The following UBQLN4 variants were observed in gnomAD, a reference collection of about 807,000 sequenced individuals.
UBQLN4 encodes the protein ubiquilin-4.
A neutral mutation model predicts 60.4 loss-of-function variants in UBQLN4; 11 were observed. The ratio of observed to expected loss-of-function variants is 0.18; its 90% CI spans 0.11 to 0.30. UBQLN4 has a LOEUF of 0.30. Among genes scored for constraint, UBQLN4 ranks in the 10% least tolerant of loss-of-function variants. The probability of loss-of-function intolerance (pLI) is 1.00; values close to 1 mark genes in which losing one functional copy is unlikely to be tolerated. For missense variants in UBQLN4, 417 were observed against 795.5 expected (o/e 0.52, Z 5.72); for synonymous variants, 258 against 313.1 (o/e 0.82, Z 1.86).
rs58466287 is a variant in UBQLN4 at position 156,037,449 on chromosome 1, G to A, written c.1654-319C>T. Among the ~76,000 whole-genome samples the A allele has an allele frequency of 2.4e-3, 361 of 152,190 alleles. 2 individuals are homozygous for A. The highest frequency in any genetic ancestry group is 8.5e-3 in the African/African-American group (351 of 41,530). On this transcript the variant is annotated intron_variant, in intron 10 of 10. Transcript: ENST00000368309. The stretch of plus-strand genomic sequence containing the variant: ...TCTCTACTAAAAATACAAAAAATTC[G>A]CTGGGTGTGGTGGTGGGCGCCCTGT...
At chr1:156,039,939 A>G in intron 10 of UBQLN4, among the ~76,000 whole-genome samples, 1 of 35,682 alleles carries the variant, frequency 2.8e-5, no homozygotes, top group Admixed American at 3.0e-4. Flanking sequence ...TCCGTCTCAA[A>G]AAAAAAAAAA....
downstream of UBQLN4, among the ~76,000 whole-genome samples, chr1:156,034,261 T>C (rs915710812): frequency 6.6e-6 from 1 of 151,156 alleles, no homozygotes; most frequent in Non-Finnish European, 1.5e-5. Context: ...CAAACTTCAC[T>C]GGCATAAAAC....
chr1:156,034,278 G>T (rs1043953761), downstream of UBQLN4, among the ~76,000 whole-genome samples: 1 of 147,668 alleles, frequency 6.8e-6, no homozygotes, highest in Non-Finnish European at 1.5e-5. Context: ...AAACCTGACT[G>T]CAAGAGTTTT....
chr1:156,047,042 TCTAC>T (rs1465057111), intron 5 of UBQLN4, among the ~76,000 whole-genome samples: 4 of 152,114 alleles, frequency 2.6e-5, no homozygotes, highest in Admixed American at 1.3e-4. Context: ...AGGCTACAAC[TCTAC>T]CTATGTCTTA....
Position 156,036,864 on chromosome 1 carries a change from G to A in UBQLN4, c.*114C>T. ...GCCTCTAAAGTCACCCTGCTGTTTG[G>A]AAAGGATGAGGGAGAAGACGGAAGG... On this transcript the variant is annotated 3_prime_UTR_variant, in exon 11 of 11. Transcript: ENST00000368309. 1 of 1,523,336 alleles carries A rather than the reference G, an allele frequency of 6.6e-7. No homozygotes were observed. The highest frequency in any genetic ancestry group is 8.8e-7 in the Non-Finnish European group (1 of 1,138,126). 94.4% of individuals were successfully genotyped at this position (1,523,336 alleles called of 1,614,324 possible).
intron 1 of UBQLN4, 101 bp from the exon 2 acceptor site, chr1:156,051,958 C>A (rs567810593): frequency 6.8e-7 from 1 of 1,464,294 alleles, no homozygotes; most frequent in Non-Finnish European, 9.3e-7. Flanking sequence ...TTGCTCTCAT[C>A]TCTAGTCATG....
chr1:156,046,333 C>CA (rs767622665), intron 5 of UBQLN4, among the ~76,000 whole-genome samples: 97 of 117,510 alleles, frequency 8.3e-4, no homozygotes, highest in East Asian at 3.4e-3. Flanking sequence ...ACTAATAATA[C>CA]AAAAAAAAAA....
chr1:156,050,813 C>A lies in UBQLN4; in HGVS notation c.479-260G>T, dbSNP rs539435263. On this transcript the variant is annotated intron_variant, in intron 3 of 10. Coordinates refer to ENST00000368309, the MANE Select transcript of UBQLN4 (RefSeq NM_020131.5). This position sits in a 1 kb window ranked among gnomAD's most constrained non-coding sequence, Gnocchi z 4.6. Reference sequence around the variant, plus strand: ...GAATGAGTGGCCCATGTGGCTACTGCTGGATCCAACTTTTCCCCAGACTCA... The same window carrying A: ...GAATGAGTGGCCCATGTGGCTACTGATGGATCCAACTTTTCCCCAGACTCA... Among the ~76,000 whole-genome samples, 2 of 152,200 alleles carry A rather than the reference C, an allele frequency of 1.3e-5. No individual in the cohort carries two copies. The highest frequency in any genetic ancestry group is 2.9e-5 in the Non-Finnish European group (2 of 68,034).
At chr1:156,046,162 T>C (rs762193647) in intron 5 of UBQLN4, among the ~76,000 whole-genome samples, 1 of 151,904 alleles carries the variant, frequency 6.6e-6, no homozygotes, top group Admixed American at 6.6e-5. Context: ...TAATAAATTG[T>C]CATTTTTAAA....
At chr1:156,044,328 G>A (rs1683644429) in intron 5 of UBQLN4, 105 bp from the exon 6 acceptor site, 2 of 1,057,202 alleles carry the variant, frequency 1.9e-6, no homozygotes, top group South Asian at 2.9e-5. Flanking sequence ...CCCAGAAAAG[G>A]GAGAGAGATC....
chr1:156,044,942 T>C (rs1361167027), intron 5 of UBQLN4, among the ~76,000 whole-genome samples: 1 of 152,136 alleles, frequency 6.6e-6, no homozygotes, highest in Non-Finnish European at 1.5e-5. Flanking sequence ...TGGTCCCCCT[T>C]GCCCTACCAT....
In UBQLN4 at chr1:156,042,148, C is replaced by G. The variant is rs1336910941; in HGVS notation, c.1350+5G>C. ...AACCTCCACCCATCTAGGCTCCTCACTCACCTGCTGCAGGAAGACTGGGAG... is the reference window on the plus strand; with the variant it reads ...AACCTCCACCCATCTAGGCTCCTCAGTCACCTGCTGCAGGAAGACTGGGAG... On this transcript the variant is annotated splice_donor_5th_base_variant and intron_variant, in intron 8 of 10. Coordinates refer to ENST00000368309, the MANE Select transcript of UBQLN4 (RefSeq NM_020131.5). 1 of 1,604,932 alleles carries G rather than the reference C, an allele frequency of 6.2e-7. No homozygotes were observed. Among genetic ancestry groups the G allele is most frequent in the Non-Finnish European group, 8.5e-7 (1 of 1,176,752 alleles).
chr1:156,039,972 C>G (rs1269962624), intron 10 of UBQLN4, among the ~76,000 whole-genome samples: 3 of 144,314 alleles, frequency 2.1e-5, no homozygotes, highest in Admixed American at 1.4e-4. Context: ...ACTCTTATAG[C>G]TAGAAAGAGT....
chr1:156,051,668 C>G, intron 2 of UBQLN4, 38 bp downstream of exon 2: 1 of 1,610,236 alleles, frequency 6.2e-7, no homozygotes. Context: ...ATGGGGAGGC[C>G]CAATCAGAAG....
In UBQLN4 at chr1:156,042,179, G is replaced by C; in HGVS notation, c.1324C>G (p.Leu442Val). Residue 442 changes from leucine to valine, a missense_variant, in exon 8 of 11, where the codon CTG becomes GTG. Physicochemically the swap from Leu to Val is conservative, Grantham distance 32 (BLOSUM62 1). Coordinates refer to ENST00000368309, the MANE Select transcript of UBQLN4 (RefSeq NM_020131.5). Reference sequence around the variant, plus strand: ...TGCTGCAGGAAGACTGGGAGCTGCAGGCGGAGCTGCTCCTGCAGTTGGGGG... The same window carrying C: ...TGCTGCAGGAAGACTGGGAGCTGCACGCGGAGCTGCTCCTGCAGTTGGGGG... ...GNPQLQEQLR[L>V]QLPVFLQQMQ... 6.2e-7 allele frequency: 1 copy of C among 1,608,090 alleles called. No individual in the cohort carries two copies. Among genetic ancestry groups the C allele is most frequent in the African/African-American group, 1.3e-5 (1 of 74,742 alleles).
At chr1:156,046,065 C>G (rs1683689739) in intron 5 of UBQLN4, among the ~76,000 whole-genome samples, 1 of 151,328 alleles carries the variant, frequency 6.6e-6, no homozygotes, top group Non-Finnish European at 1.5e-5. Context: ...AGGCTGGTCT[C>G]AAACTCCTGA....
Position 156,053,798 on chromosome 1 carries a change from C to A in UBQLN4, c.-97G>T, listed in dbSNP as rs1683959895. ...GCTCGGCTTCTGCGCCTCCAACACT[C>A]CCCTCTCTCCACCTCTCCCCTCCCC... On this transcript the variant is annotated 5_prime_UTR_variant, in exon 1 of 11. Coordinates refer to ENST00000368309, the MANE Select transcript of UBQLN4 (RefSeq NM_020131.5). 6 of 508,476 alleles carry A rather than the reference C, an allele frequency of 1.2e-5. No individual in the cohort carries two copies. Among genetic ancestry groups the A allele is most frequent in the Middle Eastern group, 6.1e-4 (1 of 1,628 alleles). The allele number at this position is 508,476 out of a possible 1,614,324, so 31.5% of individuals were successfully genotyped here.
At chr1:156,042,324 C>T (rs1683589039) in intron 7 of UBQLN4, 88 bp from the exon 8 acceptor site, 1 of 1,473,780 alleles carries the variant, frequency 6.8e-7, no homozygotes, top group Middle Eastern at 1.8e-4. Flanking sequence ...GCACCCCCTA[C>T]CACTGCAGGA....
At chr1:156,034,869 A>G (rs1417336851), downstream of UBQLN4, among the ~76,000 whole-genome samples, 265 of 83,178 alleles carry the variant, frequency 3.2e-3, 7 homozygotes, top group African/African-American at 0.011. Context: ...ATATATATAT[A>G]TAATTTTTTT....
Sources: gnomAD v4.1 joint callset for allele counts (sites outside exome capture counted in the v4.1 genomes callset) on GRCh38, gnomAD v4.1.1 for gene constraint, Gnocchi (gnomAD v3.1) non-coding constraint, MANE v1.5 for transcripts, NCBI Gene and HGNC (gene_info 2026-07-23, HGNC 2026-07-21) for gene names.